The following CPNE4 variants were observed in gnomAD, a reference collection of about 807,000 sequenced individuals.
CPNE4 encodes copine 4.
In CPNE4, 25 loss-of-function variants were observed where a neutral mutation model predicts 67.9. The ratio of observed to expected loss-of-function variants is 0.37; its 90% CI spans 0.27 to 0.51. The LOEUF is 0.51. Among genes scored for constraint, CPNE4 ranks in the 20% least tolerant of loss-of-function variants. The pLI is 0.93. For synonymous variants in CPNE4, 242 were observed against 244.9 expected (o/e 0.99, Z 0.11); for missense variants, 464 against 690.8 (o/e 0.67, Z 3.68).
intron 1 of CPNE4, among the ~76,000 whole-genome samples, chr3:131,959,248 C>A (rs61793595): frequency 0.15 from 5,279 of 35,154 alleles, 796 homozygotes; most frequent in East Asian, 0.19. Context: ...GATCCGCCCG[C>A]CTCGGCCTCC....
intron 2 of CPNE4, among the ~76,000 whole-genome samples, chr3:131,801,372 C>CCAT (rs369972266): frequency 1.2e-5 from 1 of 86,212 alleles, no homozygotes; most frequent in Admixed American, 1.4e-4. Context: ...ATATATGTAC[C>CCAT]ATATATATAT....
intron 2 of CPNE4, among the ~76,000 whole-genome samples, chr3:131,793,739 C>A (rs2083845534): frequency 6.6e-6 from 1 of 152,132 alleles, no homozygotes; most frequent in Non-Finnish European, 1.5e-5. Context: ...TTCTCATCAC[C>A]CAGGTCTCCG....
chr3:131,567,193 A>C (rs1937104804), intron 10 of CPNE4, among the ~76,000 whole-genome samples: 1 of 151,992 alleles, frequency 6.6e-6, no homozygotes, highest in Admixed American at 6.6e-5. Flanking sequence ...TAGACAATGC[A>C]ATCGGGTTAT....
chr3:131,545,109 G>A (rs547108663), intron 14 of CPNE4, among the ~76,000 whole-genome samples: 17 of 152,318 alleles, frequency 1.1e-4, no homozygotes, highest in Admixed American at 3.3e-4. Flanking sequence ...TGCCACTGTA[G>A]TGTGAAAACA....
intron 1 of CPNE4, among the ~76,000 whole-genome samples, chr3:131,939,378 T>C (rs1381079): frequency 0.42 from 64,300 of 151,930 alleles, 14,011 homozygotes; most frequent in East Asian, 0.56. Flanking sequence ...CAATAAACAG[T>C]GAATGTTATC....
At chr3:131,976,031 A>T (rs1210045700) in intron 1 of CPNE4, among the ~76,000 whole-genome samples, 1 of 152,070 alleles carries the variant, frequency 6.6e-6, no homozygotes, top group Non-Finnish European at 1.5e-5. Flanking sequence ...GATATTTAAA[A>T]AAAAACTATA....
intron 13 of CPNE4, among the ~76,000 whole-genome samples, chr3:131,550,523 G>C (rs945495904): frequency 6.6e-6 from 1 of 152,122 alleles, no homozygotes; most frequent in Non-Finnish European, 1.5e-5. Context: ...TAGCAAGCTA[G>C]CTTCAATGTT....
upstream of CPNE4, among the ~76,000 whole-genome samples, chr3:132,038,948 T>C (rs887864730): frequency 1.3e-5 from 2 of 152,228 alleles, no homozygotes; most frequent in Non-Finnish European, 2.9e-5. Context: ...GATTAAGGTC[T>C]AGCCCTGCAC....
intron 7 of CPNE4, among the ~76,000 whole-genome samples, chr3:131,642,619 T>TGGGA (rs1427159243): frequency 2.0e-5 from 3 of 152,174 alleles, no homozygotes; most frequent in Non-Finnish European, 4.4e-5. Context: ...AAGGACCCAG[T>TGGGA]GGGAGGTAAT....
chr3:131,705,422 G>A (rs1412068978), intron 3 of CPNE4, among the ~76,000 whole-genome samples: 1 of 152,202 alleles, frequency 6.6e-6, no homozygotes, highest in Non-Finnish European at 1.5e-5. Context: ...TGTAAAAAAA[G>A]TTTAAATATA....
intron 1 of CPNE4, among the ~76,000 whole-genome samples, chr3:131,946,221 A>C (rs999364948): frequency 3.3e-5 from 5 of 151,948 alleles, no homozygotes; most frequent in African/African-American, 1.2e-4. Context: ...TCCACATTCC[A>C]TCTCTATGGA....
intron 2 of CPNE4, among the ~76,000 whole-genome samples, chr3:131,862,560 T>G (rs16845875): frequency 0.27 from 40,781 of 151,982 alleles, 5,660 homozygotes; most frequent in Admixed American, 0.35. Context: ...TTCATTTTGA[T>G]CCAAACAAAT....
chr3:131,704,678 T>TTAGA (rs1314146943), intron 3 of CPNE4, among the ~76,000 whole-genome samples: 1 of 152,200 alleles, frequency 6.6e-6, no homozygotes, highest in African/African-American at 2.4e-5. Flanking sequence ...TTAATGCTAA[T>TTAGA]TAGATGAACT....
At chr3:131,986,671 C>T (rs905507079) in intron 1 of CPNE4, among the ~76,000 whole-genome samples, 4 of 151,832 alleles carry the variant, frequency 2.6e-5, no homozygotes, top group Non-Finnish European at 4.4e-5. Context: ...GCCAGGCAGG[C>T]GGATCACGAG....
At chr3:131,642,688 A>G (rs1174311313) in intron 7 of CPNE4, among the ~76,000 whole-genome samples, 1 of 152,104 alleles carries the variant, frequency 6.6e-6, no homozygotes, top group Non-Finnish European at 1.5e-5. Context: ...GAAAATTCTT[A>G]TGATATCCGA....
intron 7 of CPNE4, among the ~76,000 whole-genome samples, chr3:131,599,664 G>T (rs56342644): frequency 0.018 from 2,697 of 152,288 alleles, 51 homozygotes; most frequent in South Asian, 0.046. Context: ...TGTCTAGACT[G>T]GTGGGCAGGA....
At chr3:131,866,137 T>C (rs1274147189) in intron 2 of CPNE4, among the ~76,000 whole-genome samples, 1 of 152,240 alleles carries the variant, frequency 6.6e-6, no homozygotes, top group Non-Finnish European at 1.5e-5. Context: ...TTCTTCCACA[T>C]ACAGGATCTG....
intron 15 of CPNE4, chr3:131,538,868 C>T (rs1308666597): frequency 6.6e-6 from 1 of 152,272 alleles, no homozygotes; most frequent in African/African-American, 2.4e-5. Flanking sequence ...ATGAGATGAC[C>T]CTTGTAGGTG....
intron 1 of CPNE4, among the ~76,000 whole-genome samples, chr3:131,937,499 T>A (rs945770613): frequency 1.3e-5 from 2 of 152,142 alleles, no homozygotes; most frequent in African/African-American, 4.8e-5. Flanking sequence ...TAATTTGGAG[T>A]CTTTCTTGAG....
Sources: allele counts gnomAD v4.1 joint callset (sites outside exome capture counted in the v4.1 genomes callset), GRCh38; gene constraint gnomAD v4.1.1; transcripts MANE v1.5; gene names NCBI Gene and HGNC (gene_info 2026-07-23, HGNC 2026-07-21).